The following NPAS3 variants were observed in gnomAD, a reference collection of about 807,000 sequenced individuals.
NPAS3 encodes neuronal PAS domain-containing protein 3.
In NPAS3, 14 loss-of-function variants were observed where a neutral mutation model predicts 73.1. The observed-to-expected ratio is 0.19, with a 90% confidence interval of 0.13 to 0.30. NPAS3 has a LOEUF of 0.30. Among genes scored for constraint, NPAS3 ranks in the 10% least tolerant of loss-of-function variants. NPAS3 has a pLI of 1.00. For missense variants in NPAS3, 1,096 were observed against 1,250.0 expected (o/e 0.88, Z 1.86); for synonymous variants, 620 against 541.5 (o/e 1.14, Z -2.01).
intron 1 of NPAS3, among the ~76,000 whole-genome samples, chr14:32,989,037 G>C (rs1016153898): frequency 2.0e-5 from 3 of 152,168 alleles, no homozygotes; most frequent in African/African-American, 2.4e-5. Flanking sequence ...AACAGGAATG[G>C]AGGCAGAAAT....
chr14:33,748,189 C>A (rs2140740381), intron 7 of NPAS3, among the ~76,000 whole-genome samples: 1 of 152,264 alleles, frequency 6.6e-6, no homozygotes, highest in East Asian at 1.9e-4. Flanking sequence ...TGTTCTACAT[C>A]TTCCTTGAGT....
intron 2 of NPAS3, among the ~76,000 whole-genome samples, chr14:33,100,154 A>G (rs2042541194): frequency 1.3e-5 from 2 of 152,074 alleles, no homozygotes; most frequent in Admixed American, 6.6e-5. Flanking sequence ...TGAGTTAAGA[A>G]AGGGATGACT....
intron 4 of NPAS3, among the ~76,000 whole-genome samples, chr14:33,492,698 C>T (rs771236516): frequency 6.6e-6 from 1 of 152,144 alleles, no homozygotes; most frequent in Admixed American, 6.5e-5. Flanking sequence ...CCATCCACAG[C>T]GATGTGTTAT....
At chr14:33,115,712 A>T (rs2138999544) in intron 2 of NPAS3, among the ~76,000 whole-genome samples, 2 of 152,278 alleles carry the variant, frequency 1.3e-5, no homozygotes, top group Non-Finnish European at 2.9e-5. Flanking sequence ...TCATCACCCA[A>T]TCTTGGTCAT....
chr14:33,073,600 C>T (rs935949125), intron 2 of NPAS3, among the ~76,000 whole-genome samples: 22 of 151,928 alleles, frequency 1.4e-4, no homozygotes, highest in Non-Finnish European at 4.4e-5. Context: ...AAAGCTGGCC[C>T]GTGAATGAAC....
chr14:33,263,800 G>A (rs1306543415), intron 3 of NPAS3, among the ~76,000 whole-genome samples: 1 of 152,084 alleles, frequency 6.6e-6, no homozygotes, highest in Admixed American at 6.6e-5. Flanking sequence ...ATTTTGTTGA[G>A]CAGTGGTTTG....
chr14:32,998,356 G>A (rs1188060165), intron 1 of NPAS3, among the ~76,000 whole-genome samples: 1 of 152,150 alleles, frequency 6.6e-6, no homozygotes, highest in East Asian at 1.9e-4. Flanking sequence ...CATATTGGTG[G>A]TTACCAGGTG....
intron 4 of NPAS3, among the ~76,000 whole-genome samples, chr14:33,461,307 A>G (rs1453702119): frequency 6.6e-6 from 1 of 152,190 alleles, no homozygotes; most frequent in African/African-American, 2.4e-5. Flanking sequence ...TTCAACTGAG[A>G]AGGCTATTTT....
chr14:33,213,700 G>A (rs781180802), intron 2 of NPAS3: 1 of 152,178 alleles, frequency 6.6e-6, no homozygotes, highest in African/African-American at 2.4e-5. Context: ...TGAGACTGCT[G>A]TTACTCTGAA....
chr14:33,514,669 C>T (rs1348910203), intron 4 of NPAS3, among the ~76,000 whole-genome samples: 1 of 151,990 alleles, frequency 6.6e-6, no homozygotes, highest in African/African-American at 2.4e-5. Flanking sequence ...AAAACTCTGT[C>T]AAATAACTAA....
intron 4 of NPAS3, among the ~76,000 whole-genome samples, chr14:33,430,281 GTTC>G (rs1214737118): frequency 1.3e-5 from 2 of 151,856 alleles, no homozygotes; most frequent in African/African-American, 2.4e-5. Flanking sequence ...CTTCCCTTCA[GTTC>G]TTCTTTCCTT....
At chr14:33,720,608 C>T (rs1385880554) in intron 6 of NPAS3, among the ~76,000 whole-genome samples, 1 of 152,168 alleles carries the variant, frequency 6.6e-6, no homozygotes, top group African/African-American at 2.4e-5. Context: ...ACTGTGGCTT[C>T]TGAAGACTTT....
At chr14:33,433,988 C>A (rs2048881848) in intron 4 of NPAS3, among the ~76,000 whole-genome samples, 1 of 151,620 alleles carries the variant, frequency 6.6e-6, no homozygotes, top group Non-Finnish European at 1.5e-5. Flanking sequence ...GTCAGGAGTT[C>A]GAGACCAGCC....
intron 4 of NPAS3, among the ~76,000 whole-genome samples, chr14:33,443,451 C>T (rs1301765083): frequency 1.3e-5 from 2 of 152,096 alleles, no homozygotes; most frequent in Non-Finnish European, 2.9e-5. Flanking sequence ...TAACTACTGT[C>T]CCCAGCAGCT....
At chr14:33,518,846 G>T (rs2053431310) in intron 4 of NPAS3, among the ~76,000 whole-genome samples, 1 of 151,862 alleles carries the variant, frequency 6.6e-6, no homozygotes, top group African/African-American at 2.4e-5. Flanking sequence ...CTCTACCACA[G>T]TGGAATCAAC....
At chr14:33,359,996 C>G (rs761078973) in intron 3 of NPAS3, among the ~76,000 whole-genome samples, 1 of 152,220 alleles carries the variant, frequency 6.6e-6, no homozygotes, top group Non-Finnish European at 1.5e-5. Context: ...AGAGCACCTT[C>G]TTACGTCAAG....
At chr14:33,618,593 A>ACCTGCTGCTCT (rs1236456629) in intron 5 of NPAS3, among the ~76,000 whole-genome samples, 5 of 152,190 alleles carry the variant, frequency 3.3e-5, no homozygotes, top group Non-Finnish European at 5.9e-5. Context: ...CCTGCTGCTC[A>ACCTGCTGCTCT]CTTCCTGCTG....
intron 7 of NPAS3, 81 bp downstream of exon 7, chr14:33,735,413 G>GCT: frequency 1.0e-6 from 1 of 964,712 alleles, no homozygotes. Flanking sequence ...AGCTGCTTTA[G>GCT]GTCCATATAA....
In NPAS3 at chr14:33,800,175, C is replaced by G. The variant is rs1262276043; in HGVS notation, c.1868C>G (p.Pro623Arg). Residue 623 changes from proline to arginine, a missense_variant, in exon 12 of 12, where the codon CCA becomes CGA. Physicochemically the swap from Pro to Arg is moderately radical, Grantham distance 103 (BLOSUM62 -2). This residue lies in a region of NPAS3 where 698 missense variants were observed against 676.7 expected (regional missense o/e 1.03). Coordinates refer to ENST00000356141, the Ensembl canonical transcript of NPAS3. The surrounding 1 kb of genome is among the most constrained non-coding windows in gnomAD (Gnocchi z 6.5). ...CGGCGCCTGTCCAGCGCGTCGAGCCCAGGCGGCCTGGACGCGGGCCTGGTG... is the reference window on the plus strand; with the variant it reads ...CGGCGCCTGTCCAGCGCGTCGAGCCGAGGCGGCCTGGACGCGGGCCTGGTG... 1 of 1,609,672 alleles carries G rather than the reference C, an allele frequency of 6.2e-7. No individual in the cohort carries two copies.
Sources: gnomAD v4.1 joint callset for allele counts (sites outside exome capture counted in the v4.1 genomes callset) on GRCh38, gnomAD v4.1.1 for gene constraint, gnomAD v4.1.1 regional missense constraint, Gnocchi (gnomAD v3.1) non-coding constraint, MANE v1.5 for transcripts, NCBI Gene and HGNC (gene_info 2026-07-23, HGNC 2026-07-21) for gene names.